The following BIN1 variants were observed in gnomAD, a reference collection of about 807,000 sequenced individuals.
BIN1 encodes the protein myc box-dependent-interacting protein 1.
A neutral mutation model predicts 82.0 loss-of-function variants in BIN1; 53 were observed. That is an observed-to-expected ratio of 0.65 (90% CI 0.52 to 0.81). The LOEUF is 0.81. Ranked by LOEUF, BIN1 falls within the 40% of genes least tolerant of loss-of-function variation. The pLI is 0.00. For synonymous variants in BIN1, 302 were observed against 328.0 expected, an observed-to-expected ratio of 0.92 and a Z score of 0.86; for missense variants, 642 against 784.4, an observed-to-expected ratio of 0.82 and a Z score of 2.17.
rs1683031561 is a variant in BIN1, at chr2:127,052,109, G to A, written c.1371+146C>T. 1.3e-5 allele frequency: 12 copies of A among 917,390 alleles called. No individual in the cohort carries two copies. The East Asian group carries it at 3.1e-4, about 24-fold the overall frequency. 56.8% of individuals were successfully genotyped at this position (917,390 alleles called of 1,614,324 possible). ...GCAGCCTTGGTGACAAGCCCGTGCTGGGGCAGCCTAGCTCAGGACCCTGTC... is the reference window on the plus strand; with the variant it reads ...GCAGCCTTGGTGACAAGCCCGTGCTAGGGCAGCCTAGCTCAGGACCCTGTC... On this transcript the variant is annotated intron_variant, in intron 15 of 18. Transcript: ENST00000316724.
chr2:127,074,892 G>C (rs944038856), intron 2 of BIN1, among the ~76,000 whole-genome samples: 6 of 152,102 alleles, frequency 3.9e-5, no homozygotes, highest in African/African-American at 1.4e-4. Context: ...TAGTAGAGGC[G>C]GGGTTTCACC....
At chr2:127,080,874 G>A (rs576550435) in intron 1 of BIN1, among the ~76,000 whole-genome samples, 166 of 152,354 alleles carry the variant, frequency 1.1e-3, no homozygotes, top group Non-Finnish European at 1.9e-3. Flanking sequence ...GGCCTCGGCT[G>A]TGGAAGGAAA....
rs1397661637 is a variant in BIN1, at chr2:127,067,201, C to A, written c.612+962G>T. On this transcript the variant is annotated intron_variant, in intron 7 of 18. Coordinates refer to ENST00000316724, the MANE Select transcript of BIN1 (RefSeq NM_139343.3). This position sits in a 1 kb window ranked among gnomAD's most constrained non-coding sequence, Gnocchi z 4.7. ...GGCTCCGAAAAAATGGGGCAGCTGC[C>A]CAGAGAGAAACCCAACCTCCGGGGC... Among the ~76,000 whole-genome samples, 3 of 152,118 alleles carry A rather than the reference C, an allele frequency of 2.0e-5. No individual in the cohort carries two copies. The highest frequency in any genetic ancestry group is 7.2e-5 in the African/African-American group (3 of 41,396).
chr2:127,048,046 A>ATT lies in BIN1; in HGVS notation c.*478_*479dup. The ATT allele has an allele frequency of 1.6e-5, 3 of 189,560 alleles. No individual in the cohort carries two copies. Among genetic ancestry groups the ATT allele is most frequent in the Admixed American group, 1.1e-4 (2 of 18,156 alleles). The allele number at this position is 189,560 out of a possible 1,614,324, so 11.7% of individuals were successfully genotyped here. ...CACACGTTTTCTGAGAGTTTTTATC[A>ATT]TTTTTTTTTTGTTTCATTTTGTTTT... On this transcript the variant is annotated 3_prime_UTR_variant, in exon 19 of 19. Coordinates refer to ENST00000316724, the MANE Select transcript of BIN1 (RefSeq NM_139343.3).
At position 127,057,652 on chromosome 2, in the gene BIN1, C is replaced by T. The variant is rs747201560; in HGVS notation, c.1003-51G>A. 21 of 1,468,744 alleles carry T rather than the reference C, an allele frequency of 1.4e-5. No individual in the cohort carries two copies. The highest frequency in any genetic ancestry group is 7.0e-5 in the African/African-American group (5 of 70,948). The allele number at this position is 1,468,744 out of a possible 1,614,324, so 91.0% of individuals were successfully genotyped here. On this transcript the variant is annotated intron_variant, in intron 11 of 18. Coordinates refer to ENST00000316724, the MANE Select transcript of BIN1 (RefSeq NM_139343.3). This position sits in a 1 kb window ranked among gnomAD's most constrained non-coding sequence, Gnocchi z 5.0. ...CCGCGCGGGAAGGCACAGCAGAGCACGGGGTTTGGGGGAGACAGACAGAGA... is the reference window on the plus strand; with the variant it reads ...CCGCGCGGGAAGGCACAGCAGAGCATGGGGTTTGGGGGAGACAGACAGAGA...
In BIN1 at chr2:127,106,938, T is replaced by C. The variant is rs1480552808; in HGVS notation, c.6A>G (p.Ala2=). 1.9e-6 allele frequency: 3 copies of C among 1,611,328 alleles called. No homozygotes were observed. The East Asian group carries it at 6.7e-5, about 36-fold the overall frequency. ...CCGTCACCCCTTTACTGCCCATCTC[T>C]GCCATCGCGGCGCAGGCCTCGCCCG... M[A]EMGSKGVTAG... The change falls in exon 1 of 19, where the codon GCA becomes GCG. Residue 2 remains alanine, a synonymous_variant. Coordinates refer to ENST00000316724, the MANE Select transcript of BIN1 (RefSeq NM_139343.3).
intron 5 of BIN1, 49 bp from the exon 6 acceptor site, chr2:127,069,080 A>C: frequency 6.4e-7 from 1 of 1,562,052 alleles, no homozygotes; most frequent in Non-Finnish European, 8.8e-7. Context: ...ACCCCTGCTG[A>C]GACTCCAGGT....
chr2:127,104,951 A>G (rs531036893), intron 1 of BIN1, among the ~76,000 whole-genome samples: 1 of 151,974 alleles, frequency 6.6e-6, no homozygotes, highest in African/African-American at 2.4e-5. Flanking sequence ...ACACTAAACA[A>G]CTCCAGTCCC....
At chr2:127,081,733 C>A (rs1008464695) in intron 1 of BIN1, 42 of 1,221,144 alleles carry the variant, frequency 3.4e-5, no homozygotes, top group Non-Finnish European at 4.3e-5. Context: ...ACACCCCACC[C>A]CCACACACAC....
chr2:127,048,684 C>G (rs1409489909), intron 18 of BIN1, 51 bp from the exon 19 acceptor site: 2 of 1,563,264 alleles, frequency 1.3e-6, no homozygotes, highest in Non-Finnish European at 1.8e-6. Flanking sequence ...GGCTCCACCC[C>G]ACAGGGCACG....
chr2:127,086,576 C>T (rs1678193906), intron 1 of BIN1, among the ~76,000 whole-genome samples: 2 of 151,190 alleles, frequency 1.3e-5, no homozygotes, highest in Admixed American at 6.6e-5. Context: ...GGTGCAATCT[C>T]GGCTCACCGC....
intron 1 of BIN1, among the ~76,000 whole-genome samples, chr2:127,080,570 GC>G (rs1164055477): frequency 1.3e-5 from 2 of 152,356 alleles, no homozygotes; most frequent in African/African-American, 4.8e-5. Context: ...ACAAAGGGGA[GC>G]CTTTGAAAAC....
intron 13 of BIN1, 193 bp downstream of exon 13, chr2:127,053,712 G>C (rs1683265504): frequency 1.4e-6 from 1 of 701,994 alleles, no homozygotes; most frequent in South Asian, 1.8e-5. Flanking sequence ...ACCCCCTACT[G>C]AGAGTTCTCC....
chr2:127,104,969 C>A (rs1186583989), intron 1 of BIN1, among the ~76,000 whole-genome samples: 1 of 152,224 alleles, frequency 6.6e-6, no homozygotes, highest in Non-Finnish European at 1.5e-5. Flanking sequence ...CCCAGGAAGC[C>A]CGGCATGGGC....
chr2:127,072,568 AG>A (rs1686028892), intron 2 of BIN1, among the ~76,000 whole-genome samples: 1 of 152,128 alleles, frequency 6.6e-6, no homozygotes, highest in African/African-American at 2.4e-5. Context: ...AGACATCCAC[AG>A]GGGGAGCTTC....
chr2:127,068,304 G>A lies in BIN1; in HGVS notation c.520-49C>T, dbSNP rs1326851286. ...AGGAAGGTGGAGAGACCAGGGAGGT[G>A]GGGAGAGAGAAACAGAGACACACAG... On this transcript the variant is annotated intron_variant, in intron 6 of 18. Coordinates refer to ENST00000316724, the MANE Select transcript of BIN1 (RefSeq NM_139343.3). This position sits in a 1 kb window ranked among gnomAD's most constrained non-coding sequence, Gnocchi z 4.9. 6.7e-7 allele frequency: 1 copy of A among 1,482,306 alleles called. No individual in the cohort carries two copies. Among genetic ancestry groups the A allele is most frequent in the East Asian group, 2.3e-5 (1 of 43,596 alleles). The allele number at this position is 1,482,306 out of a possible 1,614,324, so 91.8% of individuals were successfully genotyped here. A position where few individuals can be genotyped will look rare whatever the true frequency, so the allele number is the denominator to read the frequency against.
chr2:127,089,825 C>G (rs571931327), intron 1 of BIN1, among the ~76,000 whole-genome samples: 1 of 152,216 alleles, frequency 6.6e-6, no homozygotes, highest in African/African-American at 2.4e-5. Flanking sequence ...TGGGTCTCAT[C>G]ACTTAGAGCC....
intron 7 of BIN1, among the ~76,000 whole-genome samples, chr2:127,064,612 C>A (rs1415047903): frequency 2.0e-5 from 3 of 152,218 alleles, no homozygotes; most frequent in African/African-American, 7.2e-5. Context: ...AGAGGGAGAC[C>A]AGAGGCAGCC....
chr2:127,094,860 G>A (rs982670200), intron 1 of BIN1, among the ~76,000 whole-genome samples: 10 of 152,186 alleles, frequency 6.6e-5, no homozygotes, highest in South Asian at 2.1e-4. Context: ...ACCAGCCCCC[G>A]GGTGGTGCTG....
Sources: allele counts gnomAD v4.1 joint callset (sites outside exome capture counted in the v4.1 genomes callset), GRCh38; gene constraint gnomAD v4.1.1; non-coding constraint Gnocchi (gnomAD v3.1); transcripts MANE v1.5; gene names NCBI Gene and HGNC (gene_info 2026-07-23, HGNC 2026-07-21).